PCDH9: variants seen among roughly 807,000 people sequenced by gnomAD.
The protein encoded by PCDH9 is protocadherin-9.
Under a neutral mutation model 70.6 loss-of-function variants are expected in PCDH9, and 24 were observed. The ratio of observed to expected loss-of-function variants is 0.34; its 90% CI spans 0.25 to 0.48. PCDH9 has a LOEUF of 0.48. Among genes scored for constraint, PCDH9 ranks in the 20% least tolerant of loss-of-function variants. The pLI is 0.99. For missense variants in PCDH9, 1,281 were observed against 1,503.6 expected, an observed-to-expected ratio of 0.85 and a Z score of 2.45; for synonymous variants, 562 against 558.5, an observed-to-expected ratio of 1.01 and a Z score of -0.09.
At chr13:66,655,654 C>A (rs2077918639) in intron 3 of PCDH9, among the ~76,000 whole-genome samples, 1 of 151,962 alleles carries the variant, frequency 6.6e-6, no homozygotes, top group South Asian at 2.1e-4. Context: ...ATATTAAAAT[C>A]CTAAAAATTA....
At chr13:66,454,112 A>G (rs1366622566) in intron 4 of PCDH9, among the ~76,000 whole-genome samples, 1 of 152,004 alleles carries the variant, frequency 6.6e-6, no homozygotes, top group African/African-American at 2.4e-5. Flanking sequence ...TGTATGCACT[A>G]TGGGAAGAAA....
intron 2 of PCDH9, among the ~76,000 whole-genome samples, chr13:67,186,538 CATGG>C (rs2088764493): frequency 6.6e-6 from 1 of 152,106 alleles, no homozygotes; most frequent in Non-Finnish European, 1.5e-5. Flanking sequence ...GCTTCTGGTT[CATGG>C]GTAGACTGCA....
At chr13:66,713,623 G>GTATATATATATATATATA (rs762817724) in intron 3 of PCDH9, among the ~76,000 whole-genome samples, 1,207 of 92,592 alleles carry the variant, frequency 0.013, 25 homozygotes, top group South Asian at 0.025. Context: ...GTGTGTGTGT[G>GTATATATATATATATATA]TGTATATATA....
rs1426404993 is a variant in PCDH9 at position 66,304,621 on chromosome 13, T to C, written c.*34A>G. ...CTGACGCACACGGTATTAGCATGTC[T>C]ATTTAAAGTTATTAGGTCCCATATA... On this transcript the variant is annotated 3_prime_UTR_variant, in exon 5 of 5. Coordinates refer to ENST00000377865, the MANE Select transcript of PCDH9 (RefSeq NM_203487.3). 1.3e-6 allele frequency: 2 copies of C among 1,567,868 alleles called. No individual in the cohort carries two copies. Among genetic ancestry groups the C allele is most frequent in the East Asian group, 4.5e-5 (2 of 44,598 alleles).
At chr13:66,879,217 A>G (rs1218744709) in intron 3 of PCDH9, among the ~76,000 whole-genome samples, 1 of 152,172 alleles carries the variant, frequency 6.6e-6, no homozygotes, top group Admixed American at 6.5e-5. Flanking sequence ...TATTTCTTTT[A>G]TTTTGAGTTT....
chr13:67,164,313 A>T (rs777477806), intron 2 of PCDH9, among the ~76,000 whole-genome samples: 42 of 152,186 alleles, frequency 2.8e-4, no homozygotes, highest in Non-Finnish European at 4.6e-4. Context: ...GCGGTGGCCC[A>T]TGTCTGTAAT....
At position 66,570,032 on chromosome 13, in the gene PCDH9, A is replaced by AATG. The variant is rs370932830; in HGVS notation, c.3340+61175_3340+61177dup. Among the ~76,000 whole-genome samples the AATG allele has an allele frequency of 4.3e-3, 653 of 152,284 alleles. 2 individuals carry two copies. Among genetic ancestry groups the AATG allele is most frequent in the African/African-American group, 0.015 (624 of 41,562 alleles). ...CAGTCCAAATGTCTTTCAACAAGTGAATGACTCAAAGAACTGCTATTACCA... is the reference window on the plus strand; with the variant it reads ...CAGTCCAAATGTCTTTCAACAAGTGAATGATGACTCAAAGAACTGCTATTACCA... On this transcript the variant is annotated intron_variant, in intron 4 of 4. Coordinates refer to ENST00000377865, the MANE Select transcript of PCDH9 (RefSeq NM_203487.3).
chr13:66,765,084 C>T (rs113604178), intron 3 of PCDH9, among the ~76,000 whole-genome samples: 2 of 151,340 alleles, frequency 1.3e-5, no homozygotes, highest in Non-Finnish European at 2.9e-5. Flanking sequence ...CTGTCTGTCT[C>T]TCTCTCTCTC....
chr13:66,506,806 A>C (rs1427422656), intron 4 of PCDH9, among the ~76,000 whole-genome samples: 1 of 152,252 alleles, frequency 6.6e-6, no homozygotes, highest in African/African-American at 2.4e-5. Flanking sequence ...GTGTTCTGTA[A>C]AACCACCTTT....
intron 2 of PCDH9, among the ~76,000 whole-genome samples, chr13:66,952,558 G>C (rs552776957): frequency 6.6e-6 from 1 of 152,126 alleles, no homozygotes; most frequent in East Asian, 1.9e-4. Context: ...CACGAAGCCA[G>C]ACAATTGCAA....
At chr13:66,992,064 A>G (rs559716610) in intron 2 of PCDH9, among the ~76,000 whole-genome samples, 40 of 152,276 alleles carry the variant, frequency 2.6e-4, no homozygotes, top group African/African-American at 8.9e-4. Flanking sequence ...GCAGTTTCAT[A>G]TACTCCAGAT....
At chr13:67,220,411 G>A (rs1365101395) in intron 2 of PCDH9, 1 of 151,834 alleles carries the variant, frequency 6.6e-6, no homozygotes, top group South Asian at 2.1e-4. Flanking sequence ...TTTGATTTTA[G>A]ATTTGAGGCT....
At chr13:66,675,705 C>T (rs974108064) in intron 3 of PCDH9, among the ~76,000 whole-genome samples, 1 of 152,086 alleles carries the variant, frequency 6.6e-6, no homozygotes, top group Non-Finnish European at 1.5e-5. Flanking sequence ...GCATCTAGTA[C>T]AGAATCACTA....
intron 4 of PCDH9, among the ~76,000 whole-genome samples, chr13:66,371,782 A>G (rs1956658917): frequency 6.6e-6 from 1 of 152,086 alleles, no homozygotes; most frequent in African/African-American, 2.4e-5. Flanking sequence ...ACTTTTGATA[A>G]TAAGAAAAAT....
chr13:66,376,473 A>G (rs1956748554), intron 4 of PCDH9, among the ~76,000 whole-genome samples: 1 of 152,282 alleles, frequency 6.6e-6, no homozygotes, highest in African/African-American at 2.4e-5. Context: ...TAATTTCATT[A>G]AAGTTTTATG....
intron 2 of PCDH9, among the ~76,000 whole-genome samples, chr13:67,183,207 A>G (rs1366186734): frequency 6.6e-6 from 1 of 152,156 alleles, no homozygotes; most frequent in African/African-American, 2.4e-5. Context: ...CCCCCAAACT[A>G]GAAAGTAAGC....
chr13:66,786,848 G>A (rs2080087897), intron 3 of PCDH9, among the ~76,000 whole-genome samples: 1 of 151,824 alleles, frequency 6.6e-6, no homozygotes, highest in Non-Finnish European at 1.5e-5. Context: ...GGAAAAGAAA[G>A]GAGATAAAAA....
chr13:66,855,263 T>C (rs895854397), intron 3 of PCDH9, among the ~76,000 whole-genome samples: 1 of 152,106 alleles, frequency 6.6e-6, no homozygotes, highest in Non-Finnish European at 1.5e-5. Context: ...AAAGATGTCA[T>C]TTCTCTCATT....
chr13:66,920,472 T>C (rs1030745597), intron 2 of PCDH9, among the ~76,000 whole-genome samples: 1 of 151,196 alleles, frequency 6.6e-6, no homozygotes, highest in South Asian at 2.1e-4. Context: ...TTTCACTGTC[T>C]GACTGAGGTG....
Sources: allele counts gnomAD v4.1 joint callset (sites outside exome capture counted in the v4.1 genomes callset), GRCh38; gene constraint gnomAD v4.1.1; transcripts MANE v1.5; gene names NCBI Gene and HGNC (gene_info 2026-07-23, HGNC 2026-07-21).